The following KCNH5 variants were observed in gnomAD, a reference collection of about 807,000 sequenced individuals.
KCNH5 encodes potassium voltage-gated channel subfamily H member 5.
Under a neutral mutation model 96.1 loss-of-function variants are expected in KCNH5, and 46 were observed. That is an observed-to-expected ratio of 0.48 (90% CI 0.38 to 0.61). The LOEUF (loss-of-function observed/expected upper bound fraction) is 0.61, where lower values mean the gene tolerates loss of function less well. Ranked by LOEUF, KCNH5 falls within the 20% of genes least tolerant of loss-of-function variation. KCNH5 has a pLI of 0.00. For missense variants in KCNH5, 907 were observed against 1,225.8 expected, an observed-to-expected ratio of 0.74 and a Z score of 3.88; for synonymous variants, 439 against 449.8, an observed-to-expected ratio of 0.98 and a Z score of 0.30.
intron 10 of KCNH5, among the ~76,000 whole-genome samples, chr14:62,773,117 T>C (rs893898744): frequency 6.6e-6 from 1 of 152,212 alleles, no homozygotes; most frequent in African/African-American, 2.4e-5. Flanking sequence ...AATGCTTTTA[T>C]TCTAGGTTAA....
intron 7 of KCNH5, among the ~76,000 whole-genome samples, chr14:62,940,678 C>G (rs1889770291): frequency 6.6e-6 from 1 of 152,178 alleles, no homozygotes; most frequent in African/African-American, 2.4e-5. Context: ...ATACTATGTT[C>G]TCTATACCTG....
At chr14:62,812,022 T>A (rs866242391) in intron 8 of KCNH5, among the ~76,000 whole-genome samples, 3 of 152,152 alleles carry the variant, frequency 2.0e-5, no homozygotes, top group Non-Finnish European at 4.4e-5. Context: ...AGTGAATGTG[T>A]CTCATAAAGG....
At chr14:62,741,962 C>A (rs1216633049) in intron 10 of KCNH5, among the ~76,000 whole-genome samples, 1 of 152,084 alleles carries the variant, frequency 6.6e-6, no homozygotes, top group African/African-American at 2.4e-5. Flanking sequence ...GGTTTAAATT[C>A]TGTTTCTGCT....
chr14:63,001,617 C>G (rs1293329412), intron 3 of KCNH5, among the ~76,000 whole-genome samples, 158 bp from the exon 4 acceptor site: 1 of 152,192 alleles, frequency 6.6e-6, no homozygotes, highest in Non-Finnish European at 1.5e-5. Flanking sequence ...AATCCGTAAA[C>G]CTTTAATTTT....
intron 7 of KCNH5, among the ~76,000 whole-genome samples, chr14:62,895,332 G>T (rs1888789305): frequency 6.7e-6 from 1 of 150,262 alleles, no homozygotes; most frequent in African/African-American, 2.5e-5. Flanking sequence ...TCAGCATCAT[G>T]ACTTTTTTTT....
At chr14:63,008,590 T>C (rs962965246) in intron 2 of KCNH5, among the ~76,000 whole-genome samples, 2 of 152,068 alleles carry the variant, frequency 1.3e-5, no homozygotes, top group African/African-American at 4.8e-5. Flanking sequence ...GAATCCTTCA[T>C]TTTTAATATA....
Position 62,950,397 on chromosome 14 carries a change from T to C in KCNH5, c.1105A>G (p.Ser369Gly). The C allele has an allele frequency of 6.2e-7, 1 of 1,614,006 alleles. No individual in the cohort carries two copies. The highest frequency in any genetic ancestry group is 8.5e-7 in the Non-Finnish European group (1 of 1,179,966). The change falls in exon 7 of 11, where the codon AGC (serine) becomes GGC (glycine). Residue 369 changes from serine (S) to glycine (G), a missense_variant. Ser to Gly is a moderately conservative substitution (Grantham distance 56, BLOSUM62 0). Coordinates refer to ENST00000322893, the MANE Select transcript of KCNH5 (RefSeq NM_139318.5). ...VAHWLACIWY[S>G]IGDYEVIDEV... ...TCAATGACCTCGTAGTCTCCGATGCTATACCATATGCAGGCCAGCCAGTGG... is the reference window on the plus strand; with the variant it reads ...TCAATGACCTCGTAGTCTCCGATGCCATACCATATGCAGGCCAGCCAGTGG...
At chr14:62,734,068 A>T (rs999418023) in intron 10 of KCNH5, among the ~76,000 whole-genome samples, 2 of 152,162 alleles carry the variant, frequency 1.3e-5, no homozygotes, top group African/African-American at 4.8e-5. Context: ...ACTAATGATT[A>T]TCCTCATACT....
chr14:63,009,536 A>T (rs1209754989), intron 2 of KCNH5, among the ~76,000 whole-genome samples: 2 of 152,170 alleles, frequency 1.3e-5, no homozygotes, highest in Non-Finnish European at 2.9e-5. Flanking sequence ...TATACCGCAT[A>T]TTTCCAGTGA....
chr14:62,728,206 C>T (rs1268506312), intron 10 of KCNH5, among the ~76,000 whole-genome samples: 1 of 124,802 alleles, frequency 8.0e-6, no homozygotes, highest in African/African-American at 2.9e-5. Context: ...CACGGCGAAA[C>T]CCTATCTCTA....
In KCNH5 at chr14:62,737,529, T is replaced by C. The variant is rs1313124627; in HGVS notation, c.2020-29074A>G. ...AAATCCAGCCTACCTCACAGCATTC[T>C]CCTGAGGATCACCTTGGATGATGCA... is the stretch of plus-strand genomic sequence containing the variant. On this transcript the variant is annotated intron_variant, in intron 10 of 10. Coordinates refer to ENST00000322893, the MANE Select transcript of KCNH5 (RefSeq NM_139318.5). Among the ~76,000 whole-genome samples the C allele has an allele frequency of 2.6e-5, 4 of 152,154 alleles. No individual in the cohort carries two copies. The South Asian group carries it at 6.2e-4, about 24-fold the overall frequency.
At chr14:62,948,659 T>A (rs1441887125) in intron 7 of KCNH5, among the ~76,000 whole-genome samples, 1 of 150,928 alleles carries the variant, frequency 6.6e-6, no homozygotes, top group African/African-American at 2.5e-5. Flanking sequence ...ACTAATTTTA[T>A]GAGGCCAGCA....
At chr14:63,004,108 G>A (rs748602487) in intron 3 of KCNH5, among the ~76,000 whole-genome samples, 5 of 152,178 alleles carry the variant, frequency 3.3e-5, no homozygotes, top group South Asian at 2.1e-4. Context: ...CTTAAAGGAC[G>A]TATTGGGAGA....
chr14:62,973,942 G>A (rs1296392092), intron 6 of KCNH5, among the ~76,000 whole-genome samples: 1 of 152,096 alleles, frequency 6.6e-6, no homozygotes, highest in Non-Finnish European at 1.5e-5. Flanking sequence ...AGCATAATTA[G>A]CCTTCCTGAT....
intron 6 of KCNH5, among the ~76,000 whole-genome samples, chr14:62,957,164 C>T (rs559185323): frequency 6.6e-6 from 1 of 152,310 alleles, no homozygotes; most frequent in Non-Finnish European, 1.5e-5. Flanking sequence ...CAGGAGACAC[C>T]TCTGTGCCAT....
At chr14:62,961,867 G>GATGCAA (rs1890214272) in intron 6 of KCNH5, among the ~76,000 whole-genome samples, 2 of 152,046 alleles carry the variant, frequency 1.3e-5, no homozygotes, top group South Asian at 4.2e-4. Flanking sequence ...TGCAGATGCA[G>GATGCAA]ATGCAAATGC....
intron 7 of KCNH5, among the ~76,000 whole-genome samples, chr14:62,875,424 C>T (rs1434336784): frequency 1.3e-5 from 2 of 152,222 alleles, no homozygotes; most frequent in African/African-American, 4.8e-5. Context: ...AGGCATCACT[C>T]TACCCCACTT....
At chr14:62,799,688 CCTTTAT>C (rs1886611899) in intron 9 of KCNH5, among the ~76,000 whole-genome samples, 1 of 56,358 alleles carries the variant, frequency 1.8e-5, no homozygotes, top group Non-Finnish European at 3.5e-5. Context: ...TATGTATATA[CCTTTAT>C]ATATATATAT....
chr14:62,803,827 C>T (rs1886712359), intron 8 of KCNH5, among the ~76,000 whole-genome samples: 1 of 152,126 alleles, frequency 6.6e-6, no homozygotes. Context: ...CTCCTCAAAC[C>T]CCCTTTGTAA....
Sources: allele counts gnomAD v4.1 joint callset (sites outside exome capture counted in the v4.1 genomes callset), GRCh38; gene constraint gnomAD v4.1.1; transcripts MANE v1.5; gene names NCBI Gene and HGNC (gene_info 2026-07-23, HGNC 2026-07-21).